RAB3IP: variants seen among roughly 807,000 people sequenced by gnomAD.
RAB3IP encodes the protein RAB3A interacting protein.
A neutral mutation model predicts 59.1 loss-of-function variants in RAB3IP; 36 were observed. The ratio of observed to expected loss-of-function variants is 0.61; its 90% confidence interval spans 0.47 to 0.80. RAB3IP has a LOEUF of 0.80. RAB3IP is among the 30% of genes least tolerant of loss of function. The probability of loss-of-function intolerance (pLI) is 0.00; values close to 1 mark genes in which losing one functional copy is unlikely to be tolerated. For synonymous variants in RAB3IP, 207 were observed against 191.2 expected, an observed-to-expected ratio of 1.08 and a Z score of -0.68; for missense variants, 511 against 536.0, an observed-to-expected ratio of 0.95 and a Z score of 0.46.
At position 69,817,714 on chromosome 12, in the gene RAB3IP, G is replaced by T. The variant is rs1401087555; in HGVS notation, c.*2268G>T. ...GTGTCCATGAACTTGGGAGGATGAGGTGGGAGGATTGCTTGAGCCCAGGGG... is the reference window on the plus strand; with the variant it reads ...GTGTCCATGAACTTGGGAGGATGAGTTGGGAGGATTGCTTGAGCCCAGGGG... On this transcript the variant is annotated 3_prime_UTR_variant, in exon 11 of 11. Transcript: ENST00000247833. The T allele has an allele frequency of 6.8e-6, 1 of 146,466 alleles. No homozygotes were observed. Among genetic ancestry groups the T allele is most frequent in the Non-Finnish European group, 1.5e-5 (1 of 66,928 alleles). The allele number at this position is 146,466 out of a possible 1,614,324, so 9.1% of individuals were successfully genotyped here.
chr12:69,781,356 T>G (rs1033198808), intron 3 of RAB3IP, among the ~76,000 whole-genome samples: 9 of 152,114 alleles, frequency 5.9e-5, no homozygotes, highest in Non-Finnish European at 1.5e-5. Flanking sequence ...TTCTTAAAAT[T>G]AATACACCTC....
At chr12:69,814,422 AT>A (rs1880880829) in intron 10 of RAB3IP, among the ~76,000 whole-genome samples, 2 of 152,068 alleles carry the variant, frequency 1.3e-5, no homozygotes, top group South Asian at 4.1e-4. Flanking sequence ...TGTTTATTAT[AT>A]GTGCCTTGTG....
Position 69,820,657 on chromosome 12 carries a change from G to A in RAB3IP, c.*5211G>A, listed in dbSNP as rs1881621348. 1 of 151,406 alleles carries A rather than the reference G, an allele frequency of 6.6e-6. No homozygotes were observed. Among genetic ancestry groups the A allele is most frequent in the African/African-American group, 2.4e-5 (1 of 41,122 alleles). The allele number at this position is 151,406 out of a possible 1,614,324, so 9.4% of individuals were successfully genotyped here. A position where few individuals can be genotyped will look rare whatever the true frequency, so the allele number is the denominator to read the frequency against. ...GCGGATCCCCTGAGGTTGGTAGTTC[G>A]AGACCTGCTTGGCCAACATGGAGAA... On this transcript the variant is annotated 3_prime_UTR_variant, in exon 11 of 11. Transcript: ENST00000247833.
At chr12:69,770,405 C>T (rs979204008) in intron 3 of RAB3IP, among the ~76,000 whole-genome samples, 1 of 152,112 alleles carries the variant, frequency 6.6e-6, no homozygotes. Flanking sequence ...ACTTATAATA[C>T]CTAATATAAT....
intron 8 of RAB3IP, among the ~76,000 whole-genome samples, chr12:69,810,677 A>G (rs945803940): frequency 1.1e-4 from 16 of 151,850 alleles, no homozygotes; most frequent in African/African-American, 3.9e-4. Flanking sequence ...TAAGAAAGAA[A>G]AGTTAGATTG....
At chr12:69,749,253 G>C (rs1354087372) in intron 1 of RAB3IP, among the ~76,000 whole-genome samples, 3 of 152,192 alleles carry the variant, frequency 2.0e-5, no homozygotes, top group African/African-American at 7.2e-5. Context: ...GAACCGTATT[G>C]TGAACTGCAC....
At position 69,812,943 on chromosome 12, in the gene RAB3IP, CA is replaced by C. The variant is rs1318869563; in HGVS notation, c.1231-20del. ...ATATGGGACATTTGACCATTCATGA[CA>C]TTTTCTCCATTTGGCCTAGATCACT... On this transcript the variant is annotated intron_variant, in intron 9 of 10. Coordinates refer to ENST00000247833, the MANE Select transcript of RAB3IP (RefSeq NM_022456.5). The C allele has an allele frequency of 7.5e-6, 12 of 1,610,060 alleles. No homozygotes were observed. Among genetic ancestry groups the C allele is most frequent in the East Asian group, 4.5e-5 (2 of 44,862 alleles).
chr12:69,790,163 A>G (rs1212268975), intron 4 of RAB3IP, among the ~76,000 whole-genome samples: 1 of 152,216 alleles, frequency 6.6e-6, no homozygotes, highest in African/African-American at 2.4e-5. Flanking sequence ...AAGTGTAGAA[A>G]ATTCTAAAGA....
chr12:69,796,756 C>T, intron 6 of RAB3IP: 1 of 454,102 alleles, frequency 2.2e-6, no homozygotes, highest in Non-Finnish European at 3.9e-6. Context: ...AATTCTAATT[C>T]TTTGGAATTT....
At chr12:69,813,228 G>A (rs1880703290) in intron 10 of RAB3IP, among the ~76,000 whole-genome samples, 195 bp downstream of exon 10, 1 of 152,116 alleles carries the variant, frequency 6.6e-6, no homozygotes, top group African/African-American at 2.4e-5. Context: ...GAAAAATATT[G>A]TGTTTAATTA....
intron 6 of RAB3IP, among the ~76,000 whole-genome samples, chr12:69,799,742 TCA>T (rs1244849637): frequency 6.6e-6 from 1 of 152,210 alleles, no homozygotes; most frequent in African/African-American, 2.4e-5. Flanking sequence ...TCAGCCAGTC[TCA>T]GTTTATTCAG....
intron 4 of RAB3IP, among the ~76,000 whole-genome samples, chr12:69,793,269 A>C (rs1876919863): frequency 6.6e-6 from 1 of 152,194 alleles, no homozygotes; most frequent in South Asian, 2.1e-4. Flanking sequence ...AAACTAGTAT[A>C]AGCTGCAAAT....
At chr12:69,799,974 T>C (rs1878120010) in intron 6 of RAB3IP, among the ~76,000 whole-genome samples, 1 of 152,068 alleles carries the variant, frequency 6.6e-6, no homozygotes, top group South Asian at 2.1e-4. Context: ...TATTTGAGAG[T>C]CATTTTTTAA....
intron 8 of RAB3IP, among the ~76,000 whole-genome samples, chr12:69,811,737 A>G (rs1028028040): frequency 2.6e-5 from 4 of 152,166 alleles, no homozygotes; most frequent in Non-Finnish European, 5.9e-5. Flanking sequence ...AAAGACAGGA[A>G]TTGATTTGTG....
chr12:69,763,448 T>C (rs946717437), intron 3 of RAB3IP, among the ~76,000 whole-genome samples: 1 of 152,218 alleles, frequency 6.6e-6, no homozygotes, highest in Non-Finnish European at 1.5e-5. Context: ...CCCTTGCTCT[T>C]GATCAGTCCA....
rs1409170790 is a variant in RAB3IP at position 69,756,488 on chromosome 12, A to G, written c.335A>G (p.Tyr112Cys). Residue 112 changes from tyrosine (Y) to cysteine (C), a missense_variant, in exon 3 of 11, where the codon TAT becomes TGT. By Grantham distance (194) the Tyr-to-Cys change is radical. Coordinates refer to ENST00000247833, the MANE Select transcript of RAB3IP (RefSeq NM_022456.5). Reference sequence around the variant, plus strand: ...AAATTAACTACAAGAAAGGACAACTATAATGCAGAGAGAGAGTTTTTACAG... The same window carrying G: ...AAATTAACTACAAGAAAGGACAACTGTAATGCAGAGAGAGAGTTTTTACAG... Reference protein sequence around the residue: ...LTKLTTRKDNYNAEREFLQGA... With the variant: ...LTKLTTRKDNCNAEREFLQGA... 1.9e-6 allele frequency: 3 copies of G among 1,614,022 alleles called. No homozygotes were observed. Among genetic ancestry groups the G allele is most frequent in the Non-Finnish European group, 2.5e-6 (3 of 1,180,004 alleles).
chr12:69,775,910 GA>G (rs1308798347), intron 3 of RAB3IP, among the ~76,000 whole-genome samples: 1 of 117,480 alleles, frequency 8.5e-6, no homozygotes, highest in Non-Finnish European at 1.8e-5. Flanking sequence ...TTTGGTATCA[GA>G]ATGATGGTGG....
At chr12:69,754,048 A>G (rs1335383961) in intron 1 of RAB3IP, among the ~76,000 whole-genome samples, 1 of 152,180 alleles carries the variant, frequency 6.6e-6, no homozygotes, top group African/African-American at 2.4e-5. Flanking sequence ...AATACTTTAC[A>G]TGGATTGTCT....
intron 3 of RAB3IP, among the ~76,000 whole-genome samples, chr12:69,770,070 C>CT (rs1872853478): frequency 1.3e-5 from 2 of 152,202 alleles, no homozygotes; most frequent in South Asian, 4.1e-4. Context: ...AAGTCTATGT[C>CT]TTCATCAGTT....
Sources: allele counts gnomAD v4.1 joint callset (sites outside exome capture counted in the v4.1 genomes callset), GRCh38; gene constraint gnomAD v4.1.1; transcripts MANE v1.5; gene names NCBI Gene and HGNC (gene_info 2026-07-23, HGNC 2026-07-21).